AFAP1L2: variants seen among roughly 807,000 people sequenced by gnomAD.
AFAP1L2 encodes actin filament associated protein 1 like 2, also known as actin filament-associated protein 1-like 2.
In AFAP1L2, 46 loss-of-function variants were observed where a neutral mutation model predicts 99.3. That is an observed-to-expected ratio of 0.46 (90% confidence interval 0.37 to 0.59). The LOEUF is 0.59. Among genes scored for constraint, AFAP1L2 ranks in the 20% least tolerant of loss-of-function variants. The probability of loss-of-function intolerance (pLI) is 0.00; values close to 1 mark genes in which losing one functional copy is unlikely to be tolerated. For missense variants in AFAP1L2, 959 were observed against 1,034.9 expected, an observed-to-expected ratio of 0.93 and a Z score of 1.01; for synonymous variants, 397 against 419.1, an observed-to-expected ratio of 0.95 and a Z score of 0.64.
intron 1 of AFAP1L2, among the ~76,000 whole-genome samples, chr10:114,351,081 T>G (rs2050400938): frequency 6.6e-6 from 1 of 152,178 alleles, no homozygotes; most frequent in Non-Finnish European, 1.5e-5. Context: ...ACAAACCACT[T>G]TAGCCTCAGA....
chr10:114,351,292 G>A (rs1028428610), intron 1 of AFAP1L2, among the ~76,000 whole-genome samples: 1 of 152,166 alleles, frequency 6.6e-6, no homozygotes, highest in African/African-American at 2.4e-5. Flanking sequence ...GTTGTGCAGT[G>A]GCCGCTATGT....
rs758845101 is a variant in AFAP1L2 at position 114,331,823 on chromosome 10, C to G, written c.295G>C (p.Asp99His). ...CTTACCATCTTGGGTGGCGGGAGGT[C>G]TGGAAGGCTCTTCTGAGGGGCCGAG... Reference protein sequence around the residue: ...HSSAPQKSLPDLPPPKMIPER... With the variant: ...HSSAPQKSLPHLPPPKMIPER... The change falls in exon 4 of 19, where the codon GAC becomes CAC. Residue 99 changes from aspartate to histidine, a missense_variant. Coordinates refer to ENST00000304129, the MANE Select transcript of AFAP1L2 (RefSeq NM_001001936.3). 2 of 1,393,548 alleles carry G rather than the reference C, an allele frequency of 1.4e-6. No individual in the cohort carries two copies. The highest frequency in any genetic ancestry group is 3.1e-5 in the Admixed American group (1 of 31,882). The allele number at this position is 1,393,548 out of a possible 1,614,324, so 86.3% of individuals were successfully genotyped here.
chr10:114,316,285 T>G (rs2044131092), intron 5 of AFAP1L2, among the ~76,000 whole-genome samples: 1 of 152,220 alleles, frequency 6.6e-6, no homozygotes, highest in African/African-American at 2.4e-5. Context: ...GCCGCTGGCC[T>G]GGCTGGGCCT....
At chr10:114,369,678 C>T (rs889343267) in intron 1 of AFAP1L2, among the ~76,000 whole-genome samples, 5 of 151,260 alleles carry the variant, frequency 3.3e-5, no homozygotes, top group Admixed American at 2.6e-4. Context: ...CCCTCATGAA[C>T]CCATTTCTGA....
intron 7 of AFAP1L2, among the ~76,000 whole-genome samples, chr10:114,313,569 A>T (rs608797): frequency 6.6e-6 from 1 of 152,184 alleles, no homozygotes; most frequent in South Asian, 2.1e-4. Context: ...TATGGCAAAT[A>T]CGTGGCAAAT....
At chr10:114,344,374 G>A (rs767392673) in intron 1 of AFAP1L2, among the ~76,000 whole-genome samples, 8 of 152,142 alleles carry the variant, frequency 5.3e-5, no homozygotes, top group Non-Finnish European at 1.2e-4. Flanking sequence ...CAAGGCAATC[G>A]GGGTCTCAAG....
At chr10:114,337,598 G>A (rs1277656598) in intron 2 of AFAP1L2, among the ~76,000 whole-genome samples, 1 of 152,158 alleles carries the variant, frequency 6.6e-6, no homozygotes, top group African/African-American at 2.4e-5. Flanking sequence ...CAGAGTCCAC[G>A]GAGAGGGGAA....
chr10:114,344,835 G>A (rs1309408348), intron 1 of AFAP1L2, among the ~76,000 whole-genome samples: 1 of 152,162 alleles, frequency 6.6e-6, no homozygotes, highest in African/African-American at 2.4e-5. Flanking sequence ...AGTGGCTCAC[G>A]TTTGTAATCC....
chr10:114,323,745 T>G (rs980121776), intron 4 of AFAP1L2, among the ~76,000 whole-genome samples: 6 of 152,316 alleles, frequency 3.9e-5, no homozygotes, highest in African/African-American at 1.4e-4. Flanking sequence ...CAGCAAATAT[T>G]GGATGACTTC....
chr10:114,368,227 T>C (rs1416579930), intron 1 of AFAP1L2, among the ~76,000 whole-genome samples: 1 of 152,190 alleles, frequency 6.6e-6, no homozygotes, highest in Non-Finnish European at 1.5e-5. Flanking sequence ...CTGACTCATA[T>C]ACAGAATCTG....
In AFAP1L2 at chr10:114,302,432, G is replaced by GACTC. The variant is rs769057659; in HGVS notation, c.1333_1336dup (p.Ser446Ter). 6.2e-7 allele frequency: 1 copy of GACTC among 1,614,164 alleles called. No individual in the cohort carries two copies. The highest frequency in any genetic ancestry group is 1.1e-5 in the South Asian group (1 of 91,090). On this transcript the variant is annotated stop_gained and frameshift_variant, in exon 12 of 19. Transcript: ENST00000304129. LOFTEE classifies it high-confidence loss of function. ...CTCTTCTGGGTCTGTCTTGGAGCCT[G>GACTC]ACTCAGAGAGCAGGAGACCCAGCCA...
At chr10:114,364,304 A>C (rs1041902567) in intron 1 of AFAP1L2, among the ~76,000 whole-genome samples, 5 of 152,190 alleles carry the variant, frequency 3.3e-5, no homozygotes, top group Non-Finnish European at 5.9e-5. Context: ...CCACAGATTA[A>C]ATGGCTTAAA....
intron 1 of AFAP1L2, among the ~76,000 whole-genome samples, chr10:114,374,576 G>A (rs1301915154): frequency 4.6e-5 from 7 of 152,034 alleles, no homozygotes; most frequent in South Asian, 2.1e-4. Context: ...GAGCAGCAGC[G>A]TTTGCTCCGG....
Position 114,295,761 on chromosome 10 carries a change from A to ACTT in AFAP1L2, c.*278_*280dup, listed in dbSNP as rs1363998207. Reference sequence around the variant, plus strand: ...AATCTTAGTAAAGCAATTGATGACAACTTCAAAAAAGAAAGAAACACAGAA... The same window carrying ACTT: ...AATCTTAGTAAAGCAATTGATGACAACTTCTTCAAAAAAGAAAGAAACACAGAA... On this transcript the variant is annotated 3_prime_UTR_variant, in exon 19 of 19. Transcript: ENST00000304129. 5 of 1,167,290 alleles carry ACTT rather than the reference A, an allele frequency of 4.3e-6. No individual in the cohort carries two copies. In the African/African-American group the frequency reaches 8.0e-5, roughly 19 times the overall value. 72.3% of individuals were successfully genotyped at this position (1,167,290 alleles called of 1,614,324 possible).
intron 2 of AFAP1L2, among the ~76,000 whole-genome samples, chr10:114,339,318 G>A (rs965049567): frequency 6.6e-6 from 1 of 152,144 alleles, no homozygotes; most frequent in African/African-American, 2.4e-5. Flanking sequence ...GCAGTGGCGG[G>A]CGCCTGTAGT....
chr10:114,383,769 C>A (rs2056063521), intron 1 of AFAP1L2, among the ~76,000 whole-genome samples: 1 of 152,144 alleles, frequency 6.6e-6, no homozygotes, highest in Non-Finnish European at 1.5e-5. Flanking sequence ...GGAAATCTGA[C>A]CCTTTCTCTT....
chr10:114,291,366 C>A, downstream of AFAP1L2: 1 of 1,155,456 alleles, frequency 8.7e-7, no homozygotes, highest in Non-Finnish European at 1.2e-6. Context: ...TGTCTGCTTC[C>A]CGCCGTGGCC....
At chr10:114,308,029 T>C (rs1230708215) in intron 9 of AFAP1L2, 120 bp from the exon 10 acceptor site, 1 of 795,572 alleles carries the variant, frequency 1.3e-6, no homozygotes, top group South Asian at 1.5e-5. Flanking sequence ...CCGCTACATA[T>C]GCGCGCACAT....
At chr10:114,361,872 G>C (rs966027828) in intron 1 of AFAP1L2, among the ~76,000 whole-genome samples, 4 of 152,136 alleles carry the variant, frequency 2.6e-5, no homozygotes, top group Admixed American at 2.0e-4. Context: ...GGTTATATTA[G>C]CTTTTCTGCA....
Sources: allele counts gnomAD v4.1 joint callset (sites outside exome capture counted in the v4.1 genomes callset), GRCh38; gene constraint gnomAD v4.1.1; transcripts MANE v1.5; gene names NCBI Gene and HGNC (gene_info 2026-07-23, HGNC 2026-07-21).